The following NELL2 variants were observed in gnomAD, a reference collection of about 807,000 sequenced individuals.
NELL2 encodes neural EGFL like 2, also known as protein kinase C-binding protein NELL2.
NELL2 carries 41 observed loss-of-function variants against 109.6 expected under a neutral mutation model. That is an observed-to-expected ratio of 0.37 (90% CI 0.29 to 0.49). NELL2 has a LOEUF of 0.49. Ranked by LOEUF, NELL2 falls within the 20% of genes least tolerant of loss-of-function variation. The pLI, the probability that NELL2 is intolerant of heterozygous loss-of-function variation, is 0.98. For missense variants in NELL2, 900 were observed against 1,008.3 expected, an observed-to-expected ratio of 0.89 and a Z score of 1.45; for synonymous variants, 355 against 344.7, an observed-to-expected ratio of 1.03 and a Z score of -0.33.
Position 44,610,990 on chromosome 12 carries a change from T to G in NELL2, c.1445-20A>C, listed in dbSNP as rs1306007577. 3 of 1,609,444 alleles carry G rather than the reference T, an allele frequency of 1.9e-6. No homozygotes were observed. The East Asian group carries it at 6.7e-5, about 36-fold the overall frequency. ...CATGTTCTGAAATGAGGAATACAAT[T>G]TTGTTACTCAAAGTTATATTTCCAA... On this transcript the variant is annotated intron_variant, in intron 13 of 19. Transcript: ENST00000429094.
At chr12:44,876,388 T>C, upstream of NELL2, 2 of 1,238,736 alleles carry the variant, frequency 1.6e-6, no homozygotes, top group East Asian at 6.6e-5. Flanking sequence ...GGAGGCGGGG[T>C]AAGGAGGAGG....
At chr12:44,629,839 A>G (rs889902868) in intron 13 of NELL2, among the ~76,000 whole-genome samples, 5 of 152,206 alleles carry the variant, frequency 3.3e-5, no homozygotes, top group African/African-American at 7.2e-5. Flanking sequence ...TTCCTGACCT[A>G]GAACCGTAAG....
At chr12:44,722,293 G>A (rs1408456995) in intron 9 of NELL2, among the ~76,000 whole-genome samples, 1 of 152,058 alleles carries the variant, frequency 6.6e-6, no homozygotes, top group East Asian at 1.9e-4. Flanking sequence ...AGCCTCCTGA[G>A]TAGTTGGGAC....
chr12:44,851,513 A>C (rs1944533911), intron 2 of NELL2, among the ~76,000 whole-genome samples: 1 of 152,190 alleles, frequency 6.6e-6, no homozygotes, highest in Admixed American at 6.5e-5. Context: ...GTCAAGTATG[A>C]TCTTGTTTCA....
At chr12:44,549,499 C>A (rs889484069) in intron 15 of NELL2, among the ~76,000 whole-genome samples, 1 of 152,108 alleles carries the variant, frequency 6.6e-6, no homozygotes, top group Non-Finnish European at 1.5e-5. Flanking sequence ...TGTCATAATA[C>A]ATTTTGGCTC....
rs1945641215 is a variant in NELL2 at position 44,899,980 on chromosome 12, G to C, written c.38+13819C>G. ...TGCAATTTTAGTCTCTGATAAAACA[G>C]ACTTTAAACCAACAGAGATTAAAAA... On this transcript the variant is annotated intron_variant, in intron 1 of 20. Transcript: ENST00000333837. Among the ~76,000 whole-genome samples, 3 of 152,070 alleles carry C rather than the reference G, an allele frequency of 2.0e-5. No homozygotes were observed. The South Asian group carries it at 6.2e-4, about 32-fold the overall frequency.
chr12:44,783,392 A>G (rs1279781482), intron 3 of NELL2, among the ~76,000 whole-genome samples: 2 of 151,822 alleles, frequency 1.3e-5, no homozygotes, highest in Non-Finnish European at 2.9e-5. Context: ...AGAAATCAAT[A>G]CAATTTAAAA....
intron 3 of NELL2, among the ~76,000 whole-genome samples, chr12:44,810,638 C>T (rs759153773): frequency 1.3e-5 from 2 of 152,120 alleles, no homozygotes; most frequent in Non-Finnish European, 2.9e-5. Context: ...AACCAGTTCA[C>T]AAAATTTCAG....
intron 9 of NELL2, among the ~76,000 whole-genome samples, chr12:44,724,755 A>C (rs1938976249): frequency 6.6e-6 from 1 of 151,626 alleles, no homozygotes; most frequent in Admixed American, 6.6e-5. Flanking sequence ...GAAAAAAAAA[A>C]CCTACTTTAA....
intron 15 of NELL2, among the ~76,000 whole-genome samples, chr12:44,567,814 A>G (rs891329918): frequency 6.6e-6 from 1 of 152,172 alleles, no homozygotes; most frequent in Non-Finnish European, 1.5e-5. Context: ...TCAGACAATC[A>G]TCTTACAATA....
intron 15 of NELL2, among the ~76,000 whole-genome samples, chr12:44,563,128 A>G (rs927575469): frequency 1.3e-5 from 2 of 152,124 alleles, no homozygotes; most frequent in Non-Finnish European, 2.9e-5. Context: ...ACACATGGAC[A>G]CAGGGAGGGG....
At chr12:44,767,089 G>A (rs957131830) in intron 9 of NELL2, among the ~76,000 whole-genome samples, 17 of 152,012 alleles carry the variant, frequency 1.1e-4, no homozygotes, top group African/African-American at 2.2e-4. Flanking sequence ...TACGTCTACC[G>A]GAAAACCCAC....
At chr12:44,765,949 A>G (rs1210685451) in intron 9 of NELL2, among the ~76,000 whole-genome samples, 1 of 152,148 alleles carries the variant, frequency 6.6e-6, no homozygotes. Context: ...GCCAAACCCC[A>G]TCTCTACTAA....
chr12:44,797,240 G>T (rs1263413397), intron 3 of NELL2, among the ~76,000 whole-genome samples: 1 of 152,032 alleles, frequency 6.6e-6, no homozygotes, highest in African/African-American at 2.4e-5. Flanking sequence ...AGAAATTAGA[G>T]AAAGACATGG....
intron 9 of NELL2, among the ~76,000 whole-genome samples, chr12:44,738,874 TC>T (rs1263248296): frequency 6.6e-6 from 1 of 152,208 alleles, no homozygotes; most frequent in Non-Finnish European, 1.5e-5. Context: ...AATTAGTGAA[TC>T]ATTTTGCAAT....
At chr12:44,725,162 A>G (rs1939006733) in intron 9 of NELL2, among the ~76,000 whole-genome samples, 1 of 152,046 alleles carries the variant, frequency 6.6e-6, no homozygotes, top group African/African-American at 2.4e-5. Flanking sequence ...AACTATAAAA[A>G]CTCTGGAAGA....
At chr12:44,742,417 G>A (rs1032145184) in intron 9 of NELL2, among the ~76,000 whole-genome samples, 1 of 152,168 alleles carries the variant, frequency 6.6e-6, no homozygotes, top group Admixed American at 6.5e-5. Flanking sequence ...TCCTCCAAAG[G>A]AACGCAGCTC....
At chr12:44,771,745 A>C (rs1312641879) in intron 9 of NELL2, among the ~76,000 whole-genome samples, 3 of 152,220 alleles carry the variant, frequency 2.0e-5, no homozygotes, top group Non-Finnish European at 2.9e-5. Context: ...CCAGAACAAC[A>C]ACCATCTTGC....
rs968429251 is a variant in NELL2 at position 44,886,910 on chromosome 12, C to T, written c.39-11010G>A. 9.9e-5 allele frequency among the ~76,000 whole-genome samples: 15 copies of T among 151,780 alleles called. 1 individual carries two copies. Among genetic ancestry groups the T allele is most frequent in the African/African-American group, 3.4e-4 (14 of 41,184 alleles). ...GCTCCCATATATGAGTGACAACATGCGATATTAATCTTTTTGTGTTTGGCT... is the reference window on the plus strand; with the variant it reads ...GCTCCCATATATGAGTGACAACATGTGATATTAATCTTTTTGTGTTTGGCT... On this transcript the variant is annotated intron_variant, in intron 1 of 20. Transcript: ENST00000333837.
Sources: allele counts gnomAD v4.1 joint callset (sites outside exome capture counted in the v4.1 genomes callset), GRCh38; gene constraint gnomAD v4.1.1; transcripts MANE v1.5; gene names NCBI Gene and HGNC (gene_info 2026-07-23, HGNC 2026-07-21).